TP63: variants seen among roughly 807,000 people sequenced by gnomAD.
TP63 encodes the protein tumor protein 63.
Under a neutral mutation model 82.8 loss-of-function variants are expected in TP63, and 17 were observed. The ratio of observed to expected loss-of-function variants is 0.21; its 90% CI spans 0.14 to 0.31. The LOEUF (loss-of-function observed/expected upper bound fraction) is 0.31. TP63 is among the 10% of genes least tolerant of loss of function. The pLI is 1.00. For missense variants in TP63, 648 were observed against 895.3 expected (o/e 0.72, Z 3.52); for synonymous variants, 330 against 321.7 (o/e 1.03, Z -0.28).
At chr3:189,829,972 G>C (rs186331124) in intron 4 of TP63, 2 of 326,338 alleles carry the variant, frequency 6.1e-6, no homozygotes, top group Non-Finnish European at 1.3e-5. Flanking sequence ...ATTGTATAAA[G>C]AGAAATTATT....
chr3:189,864,523 G>T, intron 5 of TP63, 105 bp downstream of exon 5: 2 of 787,084 alleles, frequency 2.5e-6, no homozygotes, highest in Non-Finnish European at 3.7e-6. Context: ...TCTGCACTCC[G>T]ATGGCAGATC....
At chr3:189,871,812 C>T (rs1190547622) in intron 9 of TP63, among the ~76,000 whole-genome samples, 2 of 152,188 alleles carry the variant, frequency 1.3e-5, no homozygotes, top group African/African-American at 2.4e-5. Context: ...GCCTCAGACT[C>T]CCAGACTCCA....
At position 189,730,229 on chromosome 3, in the gene TP63, C is replaced by A. The variant is rs146368926; in HGVS notation, c.63-7511C>A. 7.7e-3 allele frequency among the ~76,000 whole-genome samples: 1,167 copies of A among 152,244 alleles called. 16 individuals are homozygous for A. Among genetic ancestry groups the A allele is most frequent in the African/African-American group, 0.026 (1,060 of 41,562 alleles). On this transcript the variant is annotated intron_variant, in intron 1 of 13. Coordinates refer to ENST00000264731, the MANE Select transcript of TP63 (RefSeq NM_003722.5). ...TCAAGTTTCCTTGAGCAATAGTAAT[C>A]CTAACTGTCTTTTCTTATATTACCT...
At chr3:189,770,172 G>A (rs1035546381) in intron 3 of TP63, among the ~76,000 whole-genome samples, 3 of 152,164 alleles carry the variant, frequency 2.0e-5, no homozygotes, top group African/African-American at 7.2e-5. Flanking sequence ...GCTGCATATT[G>A]CCTTGATCTA....
intron 1 of TP63, among the ~76,000 whole-genome samples, chr3:189,631,785 A>T (rs1316279393): frequency 6.6e-6 from 1 of 152,138 alleles, no homozygotes; most frequent in Admixed American, 6.6e-5. Flanking sequence ...AAAGTGAAAA[A>T]ATTTGAAGCG....
Position 189,875,607 on chromosome 3 carries a change from T to TATATATATATATACAC in TP63, c.1349+2625_1349+2626insCACATATATATATATA, listed in dbSNP as rs1553859627. Among the ~76,000 whole-genome samples the TATATATATATATACAC allele has an allele frequency of 2.2e-3, 126 of 56,100 alleles. 4 individuals are homozygous for TATATATATATATACAC. The highest frequency in any genetic ancestry group is 4.3e-3 in the Non-Finnish European group (102 of 23,746). The allele number at this position is 56,100 out of a possible 152,430, so 36.8% of individuals were successfully genotyped here. A position where few individuals can be genotyped will look rare whatever the true frequency, so the allele number is the denominator to read the frequency against. ...AAAAATACATACATATATATATATA[T>TATATATATATATACAC]ATATATATATATATATATATATATA... On this transcript the variant is annotated intron_variant, in intron 10 of 13. Transcript: ENST00000264731.
At chr3:189,762,545 C>T (rs1722657580) in intron 3 of TP63, among the ~76,000 whole-genome samples, 1 of 152,152 alleles carries the variant, frequency 6.6e-6, no homozygotes, top group African/African-American at 2.4e-5. Context: ...GAAGGGTCTG[C>T]TGGGTTTTAT....
intron 10 of TP63, among the ~76,000 whole-genome samples, chr3:189,882,514 C>T (rs542690006): frequency 4.0e-5 from 6 of 151,436 alleles, no homozygotes; most frequent in East Asian, 1.9e-4. Context: ...TGCTCTGCTC[C>T]GCCCTCAGTA....
chr3:189,802,227 C>G (rs934417090), intron 3 of TP63, among the ~76,000 whole-genome samples: 1 of 152,128 alleles, frequency 6.6e-6, no homozygotes, highest in Non-Finnish European at 1.5e-5. Flanking sequence ...TGAATGAATG[C>G]TTTTAAAGCC....
chr3:189,693,349 G>C (rs1717095716), intron 1 of TP63, among the ~76,000 whole-genome samples: 1 of 152,170 alleles, frequency 6.6e-6, no homozygotes, highest in Non-Finnish European at 1.5e-5. Flanking sequence ...ATTTCAGATT[G>C]AGGAACAGAC....
intron 3 of TP63, among the ~76,000 whole-genome samples, chr3:189,783,680 T>C (rs912178615): frequency 1.2e-4 from 18 of 151,888 alleles, no homozygotes; most frequent in African/African-American, 4.1e-4. Flanking sequence ...AATATATTAA[T>C]AGATCATTTA....
chr3:189,707,080 G>T (rs1181252665), intron 1 of TP63, among the ~76,000 whole-genome samples: 1 of 152,040 alleles, frequency 6.6e-6, no homozygotes, highest in Non-Finnish European at 1.5e-5. Flanking sequence ...GTCAACACAG[G>T]TTGTATCTTA....
intron 4 of TP63, among the ~76,000 whole-genome samples, chr3:189,853,966 T>C (rs1157851613): frequency 1.3e-5 from 2 of 149,174 alleles, no homozygotes; most frequent in Admixed American, 1.3e-4. Flanking sequence ...TAAAGATCGA[T>C]TTTTTTCTTT....
chr3:189,888,297 G>A (rs1720678364), intron 11 of TP63, among the ~76,000 whole-genome samples: 1 of 152,126 alleles, frequency 6.6e-6, no homozygotes. Flanking sequence ...CCCTTGACAG[G>A]CCTACTTTGA....
intron 3 of TP63, among the ~76,000 whole-genome samples, chr3:189,756,633 G>A (rs191201132): frequency 2.5e-4 from 38 of 152,274 alleles, no homozygotes; most frequent in African/African-American, 9.1e-4. Flanking sequence ...TTGGTGTTTG[G>A]GTAAACTGCA....
intron 3 of TP63, among the ~76,000 whole-genome samples, chr3:189,795,904 A>G (rs2108607518): frequency 6.6e-6 from 1 of 152,216 alleles, no homozygotes; most frequent in East Asian, 1.9e-4. Context: ...TTAGACTTCT[A>G]CAGAGCCAGA....
intron 1 of TP63, among the ~76,000 whole-genome samples, chr3:189,733,888 G>T (rs952035751): frequency 7.2e-5 from 11 of 151,946 alleles, no homozygotes; most frequent in Non-Finnish European, 7.4e-5. Flanking sequence ...AAAGATACAG[G>T]ATTATCAGAT....
intron 4 of TP63, among the ~76,000 whole-genome samples, chr3:189,817,074 C>T (rs1388854711): frequency 1.3e-5 from 2 of 151,736 alleles, no homozygotes; most frequent in African/African-American, 4.8e-5. Context: ...GAGCAGGGAC[C>T]TTAATTGCTA....
intron 3 of TP63, among the ~76,000 whole-genome samples, chr3:189,744,911 G>C (rs951942752): frequency 2.2e-4 from 34 of 152,224 alleles, no homozygotes; most frequent in Admixed American, 1.5e-3. Flanking sequence ...GAGTCCAAAG[G>C]CTGGCCTACC....
Sources: allele counts gnomAD v4.1 joint callset (sites outside exome capture counted in the v4.1 genomes callset), GRCh38; gene constraint gnomAD v4.1.1; transcripts MANE v1.5; gene names NCBI Gene and HGNC (gene_info 2026-07-23, HGNC 2026-07-21).